The following TRPM3 variants were observed in gnomAD, a reference collection of about 807,000 sequenced individuals.
TRPM3 encodes long transient receptor potential channel 3.
TRPM3 carries 77 observed loss-of-function variants against 181.2 expected under a neutral mutation model. That is an observed-to-expected ratio of 0.42 (90% CI 0.35 to 0.51). TRPM3 has a LOEUF of 0.51. Among genes scored for constraint, TRPM3 ranks in the 20% least tolerant of loss-of-function variants. The pLI, the probability that TRPM3 is intolerant of heterozygous loss-of-function variation, is 0.01. For missense variants in TRPM3, 1,759 were observed against 2,196.7 expected (o/e 0.80, Z 3.98); for synonymous variants, 745 against 796.4 (o/e 0.94, Z 1.09).
chr9:70,853,050 A>G (rs924291703), intron 3 of TRPM3, among the ~76,000 whole-genome samples: 3 of 152,120 alleles, frequency 2.0e-5, no homozygotes, highest in Non-Finnish European at 2.9e-5. Context: ...TGACCTGACC[A>G]TGTCTTTTTC....
chr9:70,917,181 GC>G (rs1195094970), intron 1 of TRPM3: 50 of 1,605,566 alleles, frequency 3.1e-5, no homozygotes, highest in Middle Eastern at 1.7e-4. Flanking sequence ...AGGAGTTTCT[GC>G]TTTTTAAACA....
chr9:70,932,544 T>A (rs1454257013), intron 1 of TRPM3, among the ~76,000 whole-genome samples: 2 of 152,146 alleles, frequency 1.3e-5, no homozygotes, highest in Non-Finnish European at 2.9e-5. Context: ...TGAAGGAAGA[T>A]AATAGGCCCA....
chr9:70,844,753 T>C (rs2094881341), intron 4 of TRPM3, among the ~76,000 whole-genome samples: 1 of 152,364 alleles, frequency 6.6e-6, no homozygotes, highest in African/African-American at 2.4e-5. Flanking sequence ...AATTCTTCTT[T>C]TGATATTGAA....
rs2074688977 is a variant in TRPM3 at position 71,135,184 on chromosome 9, T to C, written c.184-270673A>G. On this transcript the variant is annotated intron_variant, in intron 1 of 24. Transcript: ENST00000357533. ...AATGTCATCTTCCATTGGTATCTTA[T>C]CCATATACTGGACTGCAAATTCTCA... Among the ~76,000 whole-genome samples, 3 of 152,246 alleles carry C rather than the reference T, an allele frequency of 2.0e-5. No homozygotes were observed. In the South Asian group the frequency reaches 6.2e-4, roughly 32 times the overall value.
intron 1 of TRPM3, among the ~76,000 whole-genome samples, chr9:71,032,514 G>A (rs2057664459): frequency 1.3e-5 from 2 of 151,832 alleles, no homozygotes; most frequent in Admixed American, 6.6e-5. Flanking sequence ...ATTAGTTTTA[G>A]CATTTTACCA....
At chr9:71,251,331 C>T (rs1188989383) in intron 1 of TRPM3, among the ~76,000 whole-genome samples, 1 of 152,142 alleles carries the variant, frequency 6.6e-6, no homozygotes, top group East Asian at 1.9e-4. Flanking sequence ...CCTATCATAG[C>T]ATTAATCTTA....
At chr9:71,246,964 C>T (rs2082068466) in intron 1 of TRPM3, among the ~76,000 whole-genome samples, 2 of 152,142 alleles carry the variant, frequency 1.3e-5, no homozygotes, top group Admixed American at 1.3e-4. Flanking sequence ...ATTTCAAACC[C>T]CAGACTGTTA....
intron 1 of TRPM3, among the ~76,000 whole-genome samples, chr9:71,129,882 T>C (rs574712993): frequency 6.6e-6 from 1 of 152,164 alleles, no homozygotes; most frequent in Non-Finnish European, 1.5e-5. Context: ...CCATATCCCT[T>C]TCCCTACCTT....
Position 70,553,149 on chromosome 9 carries a change from G to C in TRPM3, c.3374+11C>G. On this transcript the variant is annotated intron_variant, in intron 23 of 25. Coordinates refer to ENST00000677713, the MANE Select transcript of TRPM3 (RefSeq NM_001366145.2). ...CTCATCCATCCCACGTGCTCCAAAG[G>C]ACCCACTTACTTAAAGACAGCAATG... The C allele has an allele frequency of 6.2e-7, 1 of 1,614,084 alleles. No homozygotes were observed. The highest frequency in any genetic ancestry group is 8.5e-7 in the Non-Finnish European group (1 of 1,180,000).
In TRPM3 at chr9:70,761,428, A is replaced by C. The variant is rs571274443; in HGVS notation, c.1272+173T>G. 8.6e-6 allele frequency: 7 copies of C among 815,098 alleles called. 1 individual carries two copies. The African/African-American group carries it at 1.2e-4, about 14-fold the overall frequency. 50.5% of individuals were successfully genotyped at this position (815,098 alleles called of 1,614,324 possible). ...CACCTTATTAACTCGAAGGCAGTAA[A>C]AGCAGTGTCTTAGTTACTTAGGAGA... On this transcript the variant is annotated intron_variant, in intron 8 of 25. Transcript: ENST00000677713.
At chr9:70,941,763 G>A (rs13295326) in intron 1 of TRPM3, among the ~76,000 whole-genome samples, 9,704 of 152,240 alleles carry the variant, frequency 0.064, 357 homozygotes, top group South Asian at 0.081. Flanking sequence ...GGGTTGGATT[G>A]TACCAAATGA....
At chr9:70,877,316 C>G (rs1407871911) in intron 1 of TRPM3, among the ~76,000 whole-genome samples, 1 of 151,900 alleles carries the variant, frequency 6.6e-6, no homozygotes, top group African/African-American at 2.4e-5. Context: ...AGATCCTCAA[C>G]TGCTCCAAAT....
intron 14 of TRPM3, among the ~76,000 whole-genome samples, chr9:70,622,757 AT>A (rs1480032007): frequency 6.6e-6 from 1 of 152,210 alleles, no homozygotes. Context: ...CTTGAAAGTT[AT>A]TTGAGTAAAT....
chr9:71,282,281 AAAAG>A (rs778025029), intron 1 of TRPM3, among the ~76,000 whole-genome samples: 2,347 of 57,816 alleles, frequency 0.041, 2 homozygotes, highest in Middle Eastern at 0.13. Flanking sequence ...AGAAAGAAAG[AAAAG>A]AAAGAAAGAA....
chr9:71,276,772 G>C (rs2084247174), intron 1 of TRPM3, among the ~76,000 whole-genome samples: 1 of 152,190 alleles, frequency 6.6e-6, no homozygotes, highest in Non-Finnish European at 1.5e-5. Flanking sequence ...ACTGGCCTCT[G>C]ATTCAGAAAT....
At chr9:71,351,583 CA>C (rs1351201193) in intron 1 of TRPM3, among the ~76,000 whole-genome samples, 1 of 151,962 alleles carries the variant, frequency 6.6e-6, no homozygotes, top group Non-Finnish European at 1.5e-5. Context: ...TCAAATACTA[CA>C]AAGCAATGAA....
intron 1 of TRPM3, among the ~76,000 whole-genome samples, chr9:71,305,175 A>C (rs1483107680): frequency 6.6e-6 from 1 of 152,204 alleles, no homozygotes; most frequent in Non-Finnish European, 1.5e-5. Flanking sequence ...AAAGGCATGG[A>C]CATTTAGTGC....
intron 1 of TRPM3, among the ~76,000 whole-genome samples, chr9:70,905,371 A>G (rs1042009540): frequency 6.6e-6 from 1 of 152,230 alleles, no homozygotes; most frequent in Non-Finnish European, 1.5e-5. Flanking sequence ...GAATGTAATG[A>G]AAAGTCTCTC....
intron 1 of TRPM3, among the ~76,000 whole-genome samples, chr9:70,894,895 C>T (rs992533111): frequency 1.3e-5 from 2 of 152,120 alleles, no homozygotes; most frequent in Non-Finnish European, 2.9e-5. Flanking sequence ...TGAAGCCCTA[C>T]TGCTAAGATT....
Sources: allele counts gnomAD v4.1 joint callset (sites outside exome capture counted in the v4.1 genomes callset), GRCh38; gene constraint gnomAD v4.1.1; transcripts MANE v1.5; gene names NCBI Gene and HGNC (gene_info 2026-07-23, HGNC 2026-07-21).